Variants in SSTR3 observed in about 807,000 individuals in gnomAD.
SSTR3 encodes somatostatin receptor 3, also known as somatostatin receptor type 3.
For synonymous variants in SSTR3, 281 were observed against 269.2 expected (o/e 1.04, Z -0.43); for missense variants, 504 against 604.7 (o/e 0.83, Z 1.75).
the SSTR3 span, among the ~76,000 whole-genome samples, chr22:37,219,733 T>A: frequency 6.6e-6 from 1 of 152,244 alleles, no homozygotes; most frequent in Admixed American, 6.5e-5. Context: ...ATAGCCATGT[T>A]ATTATCCCTC....
In SSTR3 at chr22:37,206,447, C is replaced by G. The variant is rs1601650687; in HGVS notation, c.*100G>C. ...CAATAGCATCAAAGTCCAGGCCCCT[C>G]AACATCCCATCATGGGCCTGTGGCA... On this transcript the variant is annotated 3_prime_UTR_variant, in exon 2 of 2. Transcript: ENST00000610913. 1 of 1,490,856 alleles carries G rather than the reference C, an allele frequency of 6.7e-7. No individual in the cohort carries two copies. Among genetic ancestry groups the G allele is most frequent in the East Asian group, 2.3e-5 (1 of 43,672 alleles). 92.4% of individuals were successfully genotyped at this position (1,490,856 alleles called of 1,614,324 possible). A position where few individuals can be genotyped will look rare whatever the true frequency, so the allele number is the denominator to read the frequency against.
the SSTR3 span, among the ~76,000 whole-genome samples, chr22:37,219,530 A>G: frequency 0.011 from 1,622 of 152,248 alleles, 30 homozygotes; most frequent in African/African-American, 0.037. Context: ...TCTGCCTCCC[A>G]TATCATGTGA....
At chr22:37,212,781 G>A (rs1926269804), upstream of SSTR3, among the ~76,000 whole-genome samples, 1 of 152,132 alleles carries the variant, frequency 6.6e-6, no homozygotes, top group Admixed American at 6.5e-5. Flanking sequence ...GGCCAGCCCG[G>A]GAGTCCACAG....
chr22:37,210,773 C>T, intron 1 of SSTR3: 2 of 985,516 alleles, frequency 2.0e-6, no homozygotes, highest in Non-Finnish European at 2.4e-6. Flanking sequence ...CCAGGCACCC[C>T]AATCATTCTC....
In SSTR3 at chr22:37,207,747, G is replaced by A. The variant is rs771878225; in HGVS notation, c.57C>T (p.Ser19=). 2.6e-6 allele frequency: 4 copies of A among 1,522,860 alleles called. No homozygotes were observed. Among genetic ancestry groups the A allele is most frequent in the Non-Finnish European group, 3.5e-6 (4 of 1,135,096 alleles). 94.3% of individuals were successfully genotyped at this position (1,522,860 alleles called of 1,614,324 possible). ...GGGTGGCATCTGGGGGCCAGGCCGA[G>A]GAGGCATTCTCAGGTTCTGAGGTCG... ...VSTTSEPENA[S]SAWPPDATLG... Residue 19 remains serine, a synonymous_variant, in exon 2 of 2, where the codon TCC becomes TCT. Transcript: ENST00000610913.
upstream of SSTR3, among the ~76,000 whole-genome samples, chr22:37,216,598 G>A (rs930618445): frequency 5.9e-5 from 9 of 152,206 alleles, no homozygotes; most frequent in African/African-American, 7.2e-5. Context: ...GGACGATTTC[G>A]TCCTGGAGAC....
Position 37,207,702 on chromosome 22 carries a change from G to T in SSTR3, c.102C>A (p.Gly34=), listed in dbSNP as rs1354016345. 1.3e-6 allele frequency: 2 copies of T among 1,553,888 alleles called. No homozygotes were observed. The highest frequency in any genetic ancestry group is 1.7e-6 in the Non-Finnish European group (2 of 1,147,630). ...PDATLGNVSA[G]PSPAGLAVSG... ...TGACGGCCAGCCCTGCCGGGCTTGG[G>T]CCCGCCGACACGTTGCCCAGGGTGG... The change falls in exon 2 of 2, where the codon GGC becomes GGA. Residue 34 remains glycine, a synonymous_variant. Transcript: ENST00000610913.
intron 1 of SSTR3, among the ~76,000 whole-genome samples, chr22:37,209,234 C>A (rs978371334): frequency 6.6e-6 from 1 of 152,212 alleles, no homozygotes; most frequent in Non-Finnish European, 1.5e-5. Flanking sequence ...GAAGGGAAGG[C>A]ACCCCAAATC....
chr22:37,211,469 T>C (rs1236762875), intron 1 of SSTR3, among the ~76,000 whole-genome samples: 1 of 152,144 alleles, frequency 6.6e-6, no homozygotes, highest in African/African-American at 2.4e-5. Context: ...CTCCCAGGGT[T>C]GTTTGCAGAG....
chr22:37,210,939 T>C, intron 1 of SSTR3: 2 of 985,442 alleles, frequency 2.0e-6, no homozygotes, highest in Non-Finnish European at 2.4e-6. Context: ...GGTGGGACAT[T>C]GTCCCCGGAT....
rs1180328957 is a variant in SSTR3 at position 37,207,531 on chromosome 22, C to CTCG, written c.270_272dup (p.Asp90dup). The CTCG allele has an allele frequency of 1.2e-6, 2 of 1,613,656 alleles. No homozygotes were observed. The highest frequency in any genetic ancestry group is 2.2e-5 in the South Asian group (2 of 91,078). On this transcript the variant is annotated inframe_insertion, in exon 2 of 2. Coordinates refer to ENST00000610913, the MANE Select transcript of SSTR3 (RefSeq NM_001051.5). The stretch of plus-strand genomic sequence containing the variant: ...GGAAGGGCAGCCCCAGCATGAAGAG[C>CTCG]TCGTCGGCCAGCGCCAGGTTGAGGA...
At position 37,206,702 on chromosome 22, in the gene SSTR3, TC is replaced by T; in HGVS notation, c.1101del (p.Lys368ArgfsTer3). The T allele has an allele frequency of 6.2e-7, 1 of 1,608,726 alleles. No individual in the cohort carries two copies. On this transcript the variant is annotated frameshift_variant, in exon 2 of 2. Transcript: ENST00000610913. LOFTEE classifies it low-confidence loss of function (END_TRUNC). ...TGGCTGACCCGGCCGTTCATCTCCT[TC>T]CCCTTGCCCCCCTCCCTGCTCTCCT... ...DGEESREGGKGKEMNGRVSQI... is the reference protein window; with the variant it reads ...DGEESREGGKXKEMNGRVSQI...
chr22:37,217,671 G>A, the SSTR3 span, among the ~76,000 whole-genome samples: 4 of 151,538 alleles, frequency 2.6e-5, no homozygotes, highest in Non-Finnish European at 5.9e-5. Flanking sequence ...GCTCTCTCCT[G>A]TTTTTTATTT....
At chr22:37,214,814 G>A (rs1450691022), upstream of SSTR3, among the ~76,000 whole-genome samples, 1 of 152,154 alleles carries the variant, frequency 6.6e-6, no homozygotes, top group Non-Finnish European at 1.5e-5. Flanking sequence ...CGCGGCCTAG[G>A]GACCCCATGT....
chr22:37,210,443 C>G (rs1223161944), intron 1 of SSTR3: 14 of 908,342 alleles, frequency 1.5e-5, no homozygotes, highest in Admixed American at 1.2e-4. Context: ...CCTGGAAAAC[C>G]CTGTCTCCAC....
intron 1 of SSTR3, among the ~76,000 whole-genome samples, chr22:37,209,841 G>A (rs1926084726): frequency 1.3e-5 from 2 of 152,226 alleles, no homozygotes; most frequent in African/African-American, 2.4e-5. Context: ...TTTCCCAGTT[G>A]CCCCCAGGGC....
At chr22:37,214,655 C>G (rs956394953), upstream of SSTR3, among the ~76,000 whole-genome samples, 1 of 152,138 alleles carries the variant, frequency 6.6e-6, no homozygotes, top group South Asian at 2.1e-4. Flanking sequence ...TCCTCCACCC[C>G]ACCATCACCT....
At chr22:37,217,351 G>A (rs902222547), upstream of SSTR3, among the ~76,000 whole-genome samples, 1 of 152,008 alleles carries the variant, frequency 6.6e-6, no homozygotes, top group African/African-American at 2.4e-5. Flanking sequence ...GAATCTTCTA[G>A]GATCTTTGCT....
At chr22:37,220,547 A>G in the SSTR3 span, among the ~76,000 whole-genome samples, 2 of 152,162 alleles carry the variant, frequency 1.3e-5, no homozygotes, top group African/African-American at 2.4e-5. Context: ...GCAAGACTCT[A>G]TCTCAAAAAA....
Sources: gnomAD v4.1 joint callset for allele counts (sites outside exome capture counted in the v4.1 genomes callset) on GRCh38, gnomAD v4.1.1 for gene constraint, MANE v1.5 for transcripts, NCBI Gene and HGNC (gene_info 2026-07-23, HGNC 2026-07-21) for gene names.